The following PIK3CB variants were observed in gnomAD, a reference collection of about 807,000 sequenced individuals.
PIK3CB encodes phosphatidylinositol-4,5-bisphosphate 3-kinase catalytic subunit beta.
Under a neutral mutation model 136.8 loss-of-function variants are expected in PIK3CB, and 39 were observed. The observed-to-expected ratio is 0.29, with a 90% confidence interval of 0.22 to 0.37. PIK3CB has a LOEUF of 0.37. Ranked by LOEUF, PIK3CB falls within the 10% of genes least tolerant of loss-of-function variation. The pLI is 1.00. For synonymous variants in PIK3CB, 428 were observed against 436.6 expected, an observed-to-expected ratio of 0.98 and a Z score of 0.25; for missense variants, 868 against 1,275.4, an observed-to-expected ratio of 0.68 and a Z score of 4.87.
chr3:138,815,447 AAG>A (rs1445174709), intron 1 of PIK3CB, among the ~76,000 whole-genome samples: 8 of 150,746 alleles, frequency 5.3e-5, no homozygotes, highest in African/African-American at 1.7e-4. Flanking sequence ...AAAAAGAAGA[AAG>A]AGAATTAAAA....
intron 12 of PIK3CB, 51 bp from the exon 13 acceptor site, chr3:138,699,146 C>T (rs759602794): frequency 7.6e-6 from 6 of 785,602 alleles, no homozygotes; most frequent in South Asian, 3.2e-5. Context: ...AACACCACAG[C>T]GAACTTTCAG....
intron 19 of PIK3CB, among the ~76,000 whole-genome samples, chr3:138,670,676 G>A (rs1422433739): frequency 6.6e-6 from 1 of 152,116 alleles, no homozygotes; most frequent in Non-Finnish European, 1.5e-5. Context: ...TTATTCTAAT[G>A]ACCTATTCCT....
intron 2 of PIK3CB, among the ~76,000 whole-genome samples, chr3:138,764,340 A>G (rs1057455928): frequency 6.6e-6 from 1 of 151,038 alleles, no homozygotes; most frequent in African/African-American, 2.4e-5. Context: ...GGTCCTAGCT[A>G]CTAGGGAGGC....
chr3:138,815,002 T>C (rs937928627), intron 1 of PIK3CB, among the ~76,000 whole-genome samples: 1 of 151,468 alleles, frequency 6.6e-6, no homozygotes, highest in African/African-American at 2.4e-5. Flanking sequence ...TAGCCGGGCA[T>C]GGTGGCAGGC....
chr3:138,830,788 G>A, intron 1 of PIK3CB, among the ~76,000 whole-genome samples: 1 of 151,184 alleles, frequency 6.6e-6, no homozygotes, highest in Non-Finnish European at 1.5e-5. Flanking sequence ...TGTAGTCCCA[G>A]CTACTTGGGA....
At chr3:138,700,089 G>T (rs2044218651) in intron 12 of PIK3CB, among the ~76,000 whole-genome samples, 1 of 152,118 alleles carries the variant, frequency 6.6e-6, no homozygotes, top group Non-Finnish European at 1.5e-5. Context: ...AGGTATAGTG[G>T]CATGTGCTTG....
At position 138,833,319 on chromosome 3, in the gene PIK3CB, G is replaced by C. The variant is rs1576440668; in HGVS notation, c.-122+1376C>G. Among the ~76,000 whole-genome samples, 5 of 151,972 alleles carry C rather than the reference G, an allele frequency of 3.3e-5. No individual in the cohort carries two copies. In the East Asian group the frequency reaches 9.8e-4, roughly 30 times the overall value. ...TGGAATCAATTGATCCGCCCGCCTCGGCCTCCCAAAGTGCTGGGATTACAG... is the reference window on the plus strand; with the variant it reads ...TGGAATCAATTGATCCGCCCGCCTCCGCCTCCCAAAGTGCTGGGATTACAG... On this transcript the variant is annotated intron_variant, in intron 1 of 23. Transcript: ENST00000674063.
rs573313050 is a variant in PIK3CB at position 138,654,629 on chromosome 3, C to A, written c.*760G>T. On this transcript the variant is annotated 3_prime_UTR_variant, in exon 24 of 24. Coordinates refer to ENST00000674063, the MANE Select transcript of PIK3CB (RefSeq NM_006219.3). ...CTGGAAGAACTGGATCACACAGTTA[C>A]CTAACTGAAAAGTAACTTAGGAAAA... is the stretch of plus-strand genomic sequence containing the variant. 1 of 226,312 alleles carries A rather than the reference C, an allele frequency of 4.4e-6. No homozygotes were observed. The highest frequency in any genetic ancestry group is 8.8e-6 in the Non-Finnish European group (1 of 113,764). The allele number at this position is 226,312 out of a possible 1,614,324, so 14.0% of individuals were successfully genotyped here.
intron 19 of PIK3CB, among the ~76,000 whole-genome samples, chr3:138,666,053 A>C (rs1027106208): frequency 2.6e-5 from 4 of 152,216 alleles, no homozygotes; most frequent in Non-Finnish European, 4.4e-5. Flanking sequence ...TTCTAACTAG[A>C]CCAATACATT....
intron 1 of PIK3CB, among the ~76,000 whole-genome samples, chr3:138,815,051 A>G (rs1933243591): frequency 6.7e-6 from 1 of 148,466 alleles, no homozygotes; most frequent in South Asian, 2.1e-4. Context: ...GAGGCAGGAG[A>G]ATGGCATGAA....
intron 1 of PIK3CB, among the ~76,000 whole-genome samples, chr3:138,809,530 C>T (rs1373649725): frequency 2.8e-5 from 4 of 143,194 alleles, no homozygotes; most frequent in African/African-American, 5.2e-5. Flanking sequence ...CACTTGAACC[C>T]GGGAGGCAGA....
chr3:138,721,184 CAG>C (rs1238371060), intron 8 of PIK3CB, among the ~76,000 whole-genome samples: 1 of 151,468 alleles, frequency 6.6e-6, no homozygotes, highest in Non-Finnish European at 1.5e-5. Flanking sequence ...TTTTTTGAGA[CAG>C]AGTTTTGCTC....
intron 2 of PIK3CB, among the ~76,000 whole-genome samples, chr3:138,761,338 A>G (rs2045659449): frequency 6.6e-6 from 1 of 152,276 alleles, no homozygotes; most frequent in Non-Finnish European, 1.5e-5. Context: ...GGCATCTTCA[A>G]TAAAACAAAT....
chr3:138,732,015 T>C (rs1425260970), intron 8 of PIK3CB, among the ~76,000 whole-genome samples: 2 of 151,902 alleles, frequency 1.3e-5, no homozygotes, highest in East Asian at 3.9e-4. Flanking sequence ...GCTGAGGATA[T>C]AAAAGCAAAG....
At chr3:138,745,415 T>C (rs1196644709) in intron 4 of PIK3CB, among the ~76,000 whole-genome samples, 2 of 152,076 alleles carry the variant, frequency 1.3e-5, no homozygotes, top group Non-Finnish European at 2.9e-5. Context: ...GGGGGATCAC[T>C]TGAGGTCAGG....
Position 138,768,089 on chromosome 3 carries a change from T to C in PIK3CB, c.-16-8730A>G, listed in dbSNP as rs151054538. 2.7e-4 allele frequency among the ~76,000 whole-genome samples: 41 copies of C among 152,300 alleles called. No individual in the cohort carries two copies. The East Asian group carries it at 7.0e-3, about 26-fold the overall frequency. On this transcript the variant is annotated intron_variant, in intron 2 of 23. Coordinates refer to ENST00000674063, the MANE Select transcript of PIK3CB (RefSeq NM_006219.3). ...AGCTAAGAGGAGGACCTGGAGTGGGTAGCTCTTCTCTGAAGGCAGGTCATC... is the reference window on the plus strand; with the variant it reads ...AGCTAAGAGGAGGACCTGGAGTGGGCAGCTCTTCTCTGAAGGCAGGTCATC...
intron 8 of PIK3CB, among the ~76,000 whole-genome samples, chr3:138,731,450 G>A (rs1287848843): frequency 2.0e-5 from 3 of 151,444 alleles, no homozygotes; most frequent in Non-Finnish European, 2.9e-5. Flanking sequence ...ATGGGATTTC[G>A]CCGTGTTCCC....
chr3:138,707,040 C>T, intron 11 of PIK3CB, 119 bp downstream of exon 11: 5 of 747,980 alleles, frequency 6.7e-6, no homozygotes, highest in Non-Finnish European at 1.2e-5. Context: ...TCTTCCCACT[C>T]AACAAAGCTG....
chr3:138,809,800 A>G (rs1253244214), intron 1 of PIK3CB, among the ~76,000 whole-genome samples: 1 of 152,086 alleles, frequency 6.6e-6, no homozygotes, highest in Non-Finnish European at 1.5e-5. Flanking sequence ...GTATTCACAT[A>G]TATTTCCTTG....
Sources: allele counts gnomAD v4.1 joint callset (sites outside exome capture counted in the v4.1 genomes callset), GRCh38; gene constraint gnomAD v4.1.1; transcripts MANE v1.5; gene names NCBI Gene and HGNC (gene_info 2026-07-23, HGNC 2026-07-21).